BPNT2: variants seen among roughly 807,000 people sequenced by gnomAD.
The protein encoded by BPNT2 is Golgi-resident adenosine 3',5'-bisphosphate 3'-phosphatase.
A neutral mutation model predicts 29.3 loss-of-function variants in BPNT2; 11 were observed. That is an observed-to-expected ratio of 0.38 (90% CI 0.24 to 0.62). BPNT2 has a LOEUF of 0.62. Ranked by LOEUF, BPNT2 falls within the 20% of genes least tolerant of loss-of-function variation. The pLI, the probability that BPNT2 is intolerant of heterozygous loss-of-function variation, is 0.62. For missense variants in BPNT2, 459 were observed against 473.4 expected, an observed-to-expected ratio of 0.97 and a Z score of 0.28; for synonymous variants, 195 against 187.7, an observed-to-expected ratio of 1.04 and a Z score of -0.32.
rs751254735 is a variant in BPNT2, at chr8:56,963,781, A to G, written c.*12T>C. 5 of 1,613,960 alleles carry G rather than the reference A, an allele frequency of 3.1e-6. No individual in the cohort carries two copies. Among genetic ancestry groups the G allele is most frequent in the Non-Finnish European group, 3.4e-6 (4 of 1,179,862 alleles). ...TCAGCTGTGAAGAACTGTACCCTGTAATCAGTTATGCTCATTTATGTCCTG... is the reference window on the plus strand; with the variant it reads ...TCAGCTGTGAAGAACTGTACCCTGTGATCAGTTATGCTCATTTATGTCCTG... On this transcript the variant is annotated 3_prime_UTR_variant, in exon 5 of 5. Coordinates refer to ENST00000262644, the MANE Select transcript of BPNT2 (RefSeq NM_017813.5).
Position 56,963,590 on chromosome 8 carries a change from A to C in BPNT2, c.*203T>G. On this transcript the variant is annotated 3_prime_UTR_variant, in exon 5 of 5. Coordinates refer to ENST00000262644, the MANE Select transcript of BPNT2 (RefSeq NM_017813.5). ...TATGAAAATAGTCTCAAAAATAAAG[A>C]CAATACTTGAGACACAAAGCAACCC... 2 of 582,676 alleles carry C rather than the reference A, an allele frequency of 3.4e-6. No homozygotes were observed. The highest frequency in any genetic ancestry group is 6.1e-6 in the Non-Finnish European group (2 of 329,828). The allele number at this position is 582,676 out of a possible 1,614,324, so 36.1% of individuals were successfully genotyped here. A position where few individuals can be genotyped will look rare whatever the true frequency, so the allele number is the denominator to read the frequency against.
chr8:56,993,046 GCTGT>G (rs1264735893), intron 1 of BPNT2, among the ~76,000 whole-genome samples, 149 bp downstream of exon 1: 1 of 152,162 alleles, frequency 6.6e-6, no homozygotes, highest in African/African-American at 2.4e-5. Flanking sequence ...CAGCTCCTCT[GCTGT>G]CTGTCTGACC....
intron 4 of BPNT2, among the ~76,000 whole-genome samples, chr8:56,964,996 A>C (rs1158147722): frequency 2.6e-5 from 4 of 152,178 alleles, no homozygotes; most frequent in African/African-American, 9.7e-5. Context: ...GATATATAGA[A>C]CAGAAAATTA....
In BPNT2 at chr8:56,964,036, C is replaced by A; in HGVS notation, c.837G>T (p.Val279=). ...AGYKVLALLD[V]PDKSQEKADL... ...CAGCTTTTTCTTGACTCTTATCAGG[C>A]ACATCCAAAAGTGCTAAAACTTTAT... Residue 279 remains valine (V), a synonymous_variant, in exon 5 of 5, where the codon GTG becomes GTT. Transcript: ENST00000262644. 3 of 1,601,764 alleles carry A rather than the reference C, an allele frequency of 1.9e-6. No individual in the cohort carries two copies. Among genetic ancestry groups the A allele is most frequent in the Non-Finnish European group, 2.6e-6 (3 of 1,172,208 alleles).
At chr8:56,982,410 C>T (rs923657671) in intron 1 of BPNT2, among the ~76,000 whole-genome samples, 9 of 152,144 alleles carry the variant, frequency 5.9e-5, no homozygotes, top group Admixed American at 2.6e-4. Context: ...CATGAGCCAC[C>T]GCGCCTGGTA....
chr8:56,970,604 C>T (rs1013725916), intron 3 of BPNT2, among the ~76,000 whole-genome samples: 5 of 152,060 alleles, frequency 3.3e-5, no homozygotes, highest in Non-Finnish European at 7.4e-5. Flanking sequence ...TCCATTTTAG[C>T]AGCAATCGGG....
Position 56,989,566 on chromosome 8 carries a change from T to C in BPNT2, c.387+3633A>G, listed in dbSNP as rs559609324. ...AGAAGGCTATGCAAATGTTAGCTAG[T>C]AAAACAAGCTCAGCATAACTTCCCC... On this transcript the variant is annotated intron_variant, in intron 1 of 4. Coordinates refer to ENST00000262644, the MANE Select transcript of BPNT2 (RefSeq NM_017813.5). 3.6e-4 allele frequency among the ~76,000 whole-genome samples: 55 copies of C among 152,282 alleles called. 1 individual carries two copies. Among genetic ancestry groups the C allele is most frequent in the Admixed American group, 1.8e-3 (28 of 15,300 alleles).
chr8:56,977,376 C>T (rs1439659909), intron 3 of BPNT2, among the ~76,000 whole-genome samples: 2 of 152,148 alleles, frequency 1.3e-5, no homozygotes, highest in East Asian at 1.9e-4. Context: ...CTATTAAAGA[C>T]ATCACTCCAA....
chr8:56,979,956 C>A (rs185518436), intron 2 of BPNT2, 79 bp downstream of exon 2: 27 of 1,335,034 alleles, frequency 2.0e-5, no homozygotes, highest in Admixed American at 1.0e-4. Flanking sequence ...GCCACTATCA[C>A]CTATAGGAAG....
At chr8:56,988,176 A>G (rs955315765) in intron 1 of BPNT2, among the ~76,000 whole-genome samples, 1 of 152,214 alleles carries the variant, frequency 6.6e-6, no homozygotes, top group African/African-American at 2.4e-5. Context: ...TCATATCTTA[A>G]AAACAAATAT....
chr8:56,993,092 C>T, intron 1 of BPNT2, 107 bp downstream of exon 1: 1 of 1,525,440 alleles, frequency 6.6e-7, no homozygotes, highest in Non-Finnish European at 8.8e-7. Context: ...TCTCAATTTC[C>T]ACATCTACAA....
intron 3 of BPNT2, among the ~76,000 whole-genome samples, chr8:56,972,887 C>T (rs1806062331): frequency 6.6e-6 from 1 of 151,392 alleles, no homozygotes; most frequent in South Asian, 2.1e-4. Flanking sequence ...CCACAAAATA[C>T]ATTTATTAGT....
At position 56,978,196 on chromosome 8, in the gene BPNT2, T is replaced by C; in HGVS notation, c.551-51A>G. 3 of 1,117,398 alleles carry C rather than the reference T, an allele frequency of 2.7e-6. No individual in the cohort carries two copies. The South Asian group carries it at 3.7e-5, about 14-fold the overall frequency. 69.2% of individuals were successfully genotyped at this position (1,117,398 alleles called of 1,614,324 possible). The stretch of plus-strand genomic sequence containing the variant: ...CACACAAATGTCAAAGTAATGTGCA[T>C]AAATTCAAGATACAATATTACACTT... On this transcript the variant is annotated intron_variant, in intron 2 of 4. Coordinates refer to ENST00000262644, the MANE Select transcript of BPNT2 (RefSeq NM_017813.5).
intron 1 of BPNT2, among the ~76,000 whole-genome samples, chr8:56,980,648 A>G (rs1806223916): frequency 6.6e-6 from 1 of 151,650 alleles, no homozygotes; most frequent in Admixed American, 6.6e-5. Context: ...TTTTTAACTA[A>G]GGAACAAAAT....
At chr8:56,967,325 C>T in intron 3 of BPNT2, 1 of 445,680 alleles carries the variant, frequency 2.2e-6, no homozygotes. Flanking sequence ...AAAAACTATA[C>T]ACAGCAACAA....
chr8:56,989,359 G>A (rs1252472233), intron 1 of BPNT2, among the ~76,000 whole-genome samples: 2 of 144,960 alleles, frequency 1.4e-5, no homozygotes, highest in East Asian at 2.0e-4. Context: ...GCGACAGAGC[G>A]AGACACCATC....
chr8:56,969,710 T>C (rs1053355688), intron 3 of BPNT2, among the ~76,000 whole-genome samples: 2 of 152,138 alleles, frequency 1.3e-5, no homozygotes, highest in South Asian at 4.2e-4. Context: ...TACATGAGTA[T>C]GTAAAGAAAA....
intron 1 of BPNT2, among the ~76,000 whole-genome samples, chr8:56,986,209 T>C (rs1186916185): frequency 3.3e-5 from 5 of 152,218 alleles, no homozygotes; most frequent in African/African-American, 1.2e-4. Flanking sequence ...TTTGAGTCTC[T>C]TCCTTTAAAC....
intron 1 of BPNT2, among the ~76,000 whole-genome samples, chr8:56,982,207 T>G (rs1291829612): frequency 6.6e-6 from 1 of 151,760 alleles, no homozygotes; most frequent in Non-Finnish European, 1.5e-5. Context: ...CACTGCAACT[T>G]CCACTTTCCG....
Sources: gnomAD v4.1 joint callset for allele counts (sites outside exome capture counted in the v4.1 genomes callset) on GRCh38, gnomAD v4.1.1 for gene constraint, MANE v1.5 for transcripts, NCBI Gene and HGNC (gene_info 2026-07-23, HGNC 2026-07-21) for gene names.